The following DENND1B variants were observed in gnomAD, a reference collection of about 807,000 sequenced individuals.
DENND1B encodes DENN domain containing 1B.
DENND1B carries 59 observed loss-of-function variants against 90.1 expected under a neutral mutation model. That is an observed-to-expected ratio of 0.65 (90% CI 0.53 to 0.81). The LOEUF (loss-of-function observed/expected upper bound fraction) is 0.81. Among genes scored for constraint, DENND1B ranks in the 40% least tolerant of loss-of-function variants. The pLI, the probability that DENND1B is intolerant of heterozygous loss-of-function variation, is 0.00. For synonymous variants in DENND1B, 337 were observed against 324.6 expected (o/e 1.04, Z -0.41); for missense variants, 862 against 912.6 (o/e 0.94, Z 0.71).
chr1:197,523,883 AAAGC>A (rs1668953365), intron 20 of DENND1B, among the ~76,000 whole-genome samples: 1 of 152,168 alleles, frequency 6.6e-6, no homozygotes, highest in Non-Finnish European at 1.5e-5. Context: ...AAGACATGAA[AAAGC>A]AAGAAAAATA....
intron 10 of DENND1B, among the ~76,000 whole-genome samples, chr1:197,624,858 T>C (rs1678515531): frequency 6.6e-6 from 1 of 151,764 alleles, no homozygotes; most frequent in African/African-American, 2.4e-5. Flanking sequence ...GCTCGAGAAC[T>C]ATGTGAAGAA....
intron 3 of DENND1B, among the ~76,000 whole-genome samples, chr1:197,695,712 G>C (rs1310297645): frequency 6.6e-6 from 1 of 150,870 alleles, no homozygotes; most frequent in African/African-American, 2.4e-5. Flanking sequence ...GTAATTGACT[G>C]GTAGTTAAAA....
intron 3 of DENND1B, among the ~76,000 whole-genome samples, chr1:197,688,188 A>G (rs1657458272): frequency 6.6e-6 from 1 of 152,154 alleles, no homozygotes; most frequent in Non-Finnish European, 1.5e-5. Context: ...ATAAATAAAA[A>G]GACATCCCAT....
rs1303552662 is a variant in DENND1B at position 197,523,828 on chromosome 1, T to G, written c.1516-10875A>C. On this transcript the variant is annotated intron_variant, in intron 20 of 22. Coordinates refer to ENST00000620048, the MANE Select transcript of DENND1B (RefSeq NM_001195215.2). ...ACCCATTTCTGGGTGTAAATGCTGT[T>G]TAACTCTTTCTATACATGGGGTCCA... Among the ~76,000 whole-genome samples the G allele has an allele frequency of 2.0e-5, 3 of 152,188 alleles. No individual in the cohort carries two copies. In the East Asian group the frequency reaches 5.8e-4, roughly 29 times the overall value.
intron 15 of DENND1B, among the ~76,000 whole-genome samples, chr1:197,562,916 G>A (rs773345011): frequency 6.6e-6 from 1 of 151,878 alleles, no homozygotes; most frequent in African/African-American, 2.4e-5. Flanking sequence ...ACGTTTGAGT[G>A]GTCTAGATAG....
At chr1:197,565,620 C>G (rs2125715009) in intron 15 of DENND1B, among the ~76,000 whole-genome samples, 1 of 149,866 alleles carries the variant, frequency 6.7e-6, no homozygotes, top group South Asian at 2.1e-4. Context: ...GGTATATCTC[C>G]TAAAGCTATC....
At position 197,746,824 on chromosome 1, in the gene DENND1B, G is replaced by C. The variant is rs573810057; in HGVS notation, c.82+26044C>G. On this transcript the variant is annotated intron_variant, in intron 2 of 22. Transcript: ENST00000620048. ...ACCCCCATGCAAGTTTCTTCTTTTT[G>C]GGGGCAGCCTGTGAATTTTCAACCT... The C allele has an allele frequency of 1.0e-4, 169 of 1,610,636 alleles. No individual in the cohort carries two copies. In the Admixed American group the frequency reaches 1.6e-3, roughly 15 times the overall value.
chr1:197,698,817 T>A (rs528951014), intron 3 of DENND1B, among the ~76,000 whole-genome samples: 1 of 152,072 alleles, frequency 6.6e-6, no homozygotes, highest in South Asian at 2.1e-4. Context: ...CTAGAAGAAA[T>A]GGATAAATTC....
chr1:197,675,502 T>C (rs1655967436), intron 3 of DENND1B, among the ~76,000 whole-genome samples: 1 of 152,116 alleles, frequency 6.6e-6, no homozygotes, highest in African/African-American at 2.4e-5. Context: ...CATAATCATG[T>C]ACCTTTAAAA....
chr1:197,672,225 A>T (rs1476490819), intron 4 of DENND1B, 69 bp from the exon 5 acceptor site: 132 of 1,520,622 alleles, frequency 8.7e-5, no homozygotes, highest in Non-Finnish European at 1.1e-4. Flanking sequence ...AACAAAAATA[A>T]GAGTATATTT....
chr1:197,752,519 T>C (rs1036283429), intron 2 of DENND1B, among the ~76,000 whole-genome samples: 6 of 152,060 alleles, frequency 3.9e-5, no homozygotes, highest in African/African-American at 7.3e-5. Flanking sequence ...ACATTGAAGA[T>C]GTAATTGTAA....
chr1:197,621,647 T>C (rs1175642061), intron 10 of DENND1B, among the ~76,000 whole-genome samples: 1 of 151,380 alleles, frequency 6.6e-6, no homozygotes, highest in Non-Finnish European at 1.5e-5. Flanking sequence ...GTCTGATTAG[T>C]GACAGGGCCA....
At chr1:197,535,023 T>C (rs1669773996) in intron 20 of DENND1B, among the ~76,000 whole-genome samples, 1 of 152,210 alleles carries the variant, frequency 6.6e-6, no homozygotes, top group South Asian at 2.1e-4. Context: ...AAGAAGCTTC[T>C]GCAATATCAG....
Position 197,647,036 on chromosome 1 carries a change from C to T in DENND1B, c.507+19G>A, listed in dbSNP as rs1247562318. ...CTATTTAATAGTGATTTTTAGAAGC[C>T]AATGTCCTTTTAACTCACCGGTACT... On this transcript the variant is annotated intron_variant, in intron 8 of 22. Coordinates refer to ENST00000620048, the MANE Select transcript of DENND1B (RefSeq NM_001195215.2). The T allele has an allele frequency of 1.4e-6, 2 of 1,459,798 alleles. No homozygotes were observed. Among genetic ancestry groups the T allele is most frequent in the African/African-American group, 1.5e-5 (1 of 66,708 alleles). 90.4% of individuals were successfully genotyped at this position (1,459,798 alleles called of 1,614,324 possible).
At chr1:197,644,112 G>T (rs1680523217) in intron 9 of DENND1B, among the ~76,000 whole-genome samples, 2 of 152,118 alleles carry the variant, frequency 1.3e-5, no homozygotes, top group Non-Finnish European at 2.9e-5. Flanking sequence ...GTGGGAAGAG[G>T]TTTATTTCGT....
intron 3 of DENND1B, among the ~76,000 whole-genome samples, chr1:197,695,299 C>A (rs1293073202): frequency 2.7e-5 from 4 of 150,730 alleles, no homozygotes; most frequent in Non-Finnish European, 1.5e-5. Flanking sequence ...TAAGAATATA[C>A]CAATAGTATA....
chr1:197,593,987 G>T (rs941351743), intron 14 of DENND1B, among the ~76,000 whole-genome samples: 5 of 151,856 alleles, frequency 3.3e-5, no homozygotes, highest in African/African-American at 1.2e-4. Context: ...ATAGATTATT[G>T]GTTTCCAGTC....
At chr1:197,723,600 CAG>C (rs960944041) in intron 2 of DENND1B, among the ~76,000 whole-genome samples, 13 of 151,966 alleles carry the variant, frequency 8.6e-5, no homozygotes, top group African/African-American at 2.4e-4. Context: ...TATAAGAACA[CAG>C]GGAAAAAAAG....
intron 13 of DENND1B, 32 bp downstream of exon 13, chr1:197,607,041 T>C (rs752559731): frequency 6.7e-7 from 1 of 1,486,614 alleles, no homozygotes; most frequent in East Asian, 2.3e-5. Flanking sequence ...AGAAAACATA[T>C]ATGTTCACCA....
Sources: allele counts gnomAD v4.1 joint callset (sites outside exome capture counted in the v4.1 genomes callset), GRCh38; gene constraint gnomAD v4.1.1; transcripts MANE v1.5; gene names NCBI Gene and HGNC (gene_info 2026-07-23, HGNC 2026-07-21).